Variants in NRXN1 observed in about 807,000 individuals in gnomAD.
The protein encoded by NRXN1 is neurexin-1.
Under a neutral mutation model 150.9 loss-of-function variants are expected in NRXN1, and 39 were observed. The observed-to-expected ratio is 0.26, with a 90% CI of 0.20 to 0.34. NRXN1 has a LOEUF of 0.34. Among genes scored for constraint, NRXN1 ranks in the 10% least tolerant of loss-of-function variants. The pLI is 1.00. For synonymous variants in NRXN1, 924 were observed against 757.0 expected (o/e 1.22, Z -3.62); for missense variants, 1,815 against 1,949.9 (o/e 0.93, Z 1.30).
At chr2:50,800,526 A>T (rs1291627262) in intron 5 of NRXN1, among the ~76,000 whole-genome samples, 1 of 152,172 alleles carries the variant, frequency 6.6e-6, no homozygotes, top group African/African-American at 2.4e-5. Context: ...CACCTATGGA[A>T]TAGCTATAAA....
chr2:50,239,146 C>T (rs1310068596), intron 17 of NRXN1, among the ~76,000 whole-genome samples: 1 of 151,628 alleles, frequency 6.6e-6, no homozygotes, highest in African/African-American at 2.4e-5. Flanking sequence ...ATTTTTCTGC[C>T]TGGTAATTTT....
rs1177099862 is a variant in NRXN1, at chr2:50,558,951, G to A, written c.1321-5926C>T. Among the ~76,000 whole-genome samples, 10 of 152,048 alleles carry A rather than the reference G, an allele frequency of 6.6e-5. No homozygotes were observed. In the East Asian group the frequency reaches 9.7e-4, roughly 15 times the overall value. ...CAGAAAATTAGCCGGGTGTGGTGGCGGGCACCTGTAGTCCCAGCTACTTGG... is the reference window on the plus strand; with the variant it reads ...CAGAAAATTAGCCGGGTGTGGTGGCAGGCACCTGTAGTCCCAGCTACTTGG... On this transcript the variant is annotated intron_variant, in intron 8 of 22. Coordinates refer to ENST00000401669, the MANE Select transcript of NRXN1 (RefSeq NM_001330078.2).
At chr2:50,123,732 T>C (rs6752213) in intron 18 of NRXN1, among the ~76,000 whole-genome samples, 3,053 of 152,216 alleles carry the variant, frequency 0.02, 115 homozygotes, top group African/African-American at 0.071. Flanking sequence ...GATTTACTGA[T>C]AGATTGGATG....
At chr2:50,011,712 G>A (rs1685701635) in intron 21 of NRXN1, among the ~76,000 whole-genome samples, 1 of 152,018 alleles carries the variant, frequency 6.6e-6, no homozygotes, top group Non-Finnish European at 1.5e-5. Context: ...GAAGGTGTAT[G>A]AAGCCAAAAT....
chr2:50,216,255 G>A (rs1406789613), intron 18 of NRXN1, among the ~76,000 whole-genome samples: 1 of 151,750 alleles, frequency 6.6e-6, no homozygotes, highest in Non-Finnish European at 1.5e-5. Flanking sequence ...AAATACTTCA[G>A]TGTCAAATGA....
At chr2:50,284,425 A>G (rs765452134) in intron 17 of NRXN1, among the ~76,000 whole-genome samples, 12 of 152,158 alleles carry the variant, frequency 7.9e-5, no homozygotes, top group Non-Finnish European at 1.3e-4. Flanking sequence ...ATGTGACATC[A>G]CAGCATCCTA....
At chr2:50,008,822 C>T (rs190887551) in intron 21 of NRXN1, among the ~76,000 whole-genome samples, 1 of 152,146 alleles carries the variant, frequency 6.6e-6, no homozygotes, top group African/African-American at 2.4e-5. Flanking sequence ...TTACTCAACA[C>T]GTTTTAAGTG....
At chr2:50,218,237 T>C (rs1034189543) in intron 18 of NRXN1, among the ~76,000 whole-genome samples, 3 of 152,084 alleles carry the variant, frequency 2.0e-5, no homozygotes, top group Non-Finnish European at 1.5e-5. Context: ...TCCACATTTC[T>C]ATCCCAAGAA....
At chr2:50,777,813 A>G (rs1703849324) in intron 5 of NRXN1, among the ~76,000 whole-genome samples, 1 of 152,212 alleles carries the variant, frequency 6.6e-6, no homozygotes, top group African/African-American at 2.4e-5. Flanking sequence ...GCCTTGGGCA[A>G]ATCAAATCCA....
At chr2:50,430,173 G>C (rs756825330) in intron 17 of NRXN1, among the ~76,000 whole-genome samples, 5 of 152,012 alleles carry the variant, frequency 3.3e-5, no homozygotes, top group Non-Finnish European at 5.9e-5. Flanking sequence ...TTGTCATTTT[G>C]CCTATCAGTC....
rs1346672928 is a variant in NRXN1 at position 50,531,222 on chromosome 2, G to T, written c.2347+5C>A. On this transcript the variant is annotated splice_donor_5th_base_variant and intron_variant, in intron 11 of 22. Transcript: ENST00000401669. ...TTAGTTCAATGGGGGAAGGCAGGTT[G>T]TTACCTAGATTGACCGTCAGTTTCA... The T allele has an allele frequency of 6.2e-7, 1 of 1,610,372 alleles. No individual in the cohort carries two copies. Among genetic ancestry groups the T allele is most frequent in the Admixed American group, 1.7e-5 (1 of 59,850 alleles).
At chr2:50,457,646 A>G (rs1418366847) in intron 17 of NRXN1, among the ~76,000 whole-genome samples, 1 of 152,146 alleles carries the variant, frequency 6.6e-6, no homozygotes, top group East Asian at 1.9e-4. Flanking sequence ...GAATTTTTAA[A>G]ATGGGCAAAA....
intron 5 of NRXN1, among the ~76,000 whole-genome samples, chr2:50,867,832 G>T (rs976913570): frequency 2.0e-5 from 3 of 151,638 alleles, no homozygotes; most frequent in African/African-American, 4.8e-5. Flanking sequence ...ATTTTCTGAA[G>T]TATTTTTGAC....
chr2:50,137,691 G>A lies in NRXN1; in HGVS notation c.3547-46197C>T, dbSNP rs114100141. 6.9e-3 allele frequency among the ~76,000 whole-genome samples: 1,048 copies of A among 152,164 alleles called. 14 individuals carry two copies. Among genetic ancestry groups the A allele is most frequent in the African/African-American group, 0.024 (1,013 of 41,500 alleles). On this transcript the variant is annotated intron_variant, in intron 18 of 22. Coordinates refer to ENST00000401669, the MANE Select transcript of NRXN1 (RefSeq NM_001330078.2). ...TATTCCCTGTTTCAAAAAATAGCCT[G>A]CCTGCCGCTCATAAAATCATTAGCT...
intron 2 of NRXN1, among the ~76,000 whole-genome samples, chr2:50,984,168 A>G (rs919055240): frequency 1.1e-5 from 1 of 88,530 alleles, no homozygotes; most frequent in East Asian, 3.6e-4. Context: ...TTTTTTTAGT[A>G]GAGATGGGGT....
At chr2:50,880,226 A>G (rs1047078722) in intron 5 of NRXN1, among the ~76,000 whole-genome samples, 1 of 151,982 alleles carries the variant, frequency 6.6e-6, no homozygotes, top group Admixed American at 6.6e-5. Context: ...AAAGTATTTA[A>G]AACTTTATAT....
chr2:50,688,892 G>A (rs989827579), intron 5 of NRXN1, among the ~76,000 whole-genome samples: 34 of 152,246 alleles, frequency 2.2e-4, no homozygotes, highest in African/African-American at 8.2e-4. Flanking sequence ...CTAACAAGGT[G>A]TTGTCTTTCA....
chr2:50,997,777 G>A (rs578235743), intron 2 of NRXN1, among the ~76,000 whole-genome samples: 1 of 141,804 alleles, frequency 7.1e-6, no homozygotes, highest in East Asian at 2.0e-4. Context: ...CCAAAATGCT[G>A]GGATTACAAG....
At chr2:50,819,676 CAT>C (rs776411515) in intron 5 of NRXN1, among the ~76,000 whole-genome samples, 10 of 151,846 alleles carry the variant, frequency 6.6e-5, no homozygotes, top group South Asian at 4.2e-4. Context: ...GGATAAATTA[CAT>C]GTTATGTTTT....
Sources: allele counts gnomAD v4.1 joint callset (sites outside exome capture counted in the v4.1 genomes callset), GRCh38; gene constraint gnomAD v4.1.1; transcripts MANE v1.5; gene names NCBI Gene and HGNC (gene_info 2026-07-23, HGNC 2026-07-21).